The following TTC7B variants were observed in gnomAD, a reference collection of about 807,000 sequenced individuals.
The protein encoded by TTC7B is tetratricopeptide repeat protein 7B.
In TTC7B, 28 loss-of-function variants were observed where a neutral mutation model predicts 106.8. That is an observed-to-expected ratio of 0.26 (90% CI 0.19 to 0.36). The LOEUF (loss-of-function observed/expected upper bound fraction) is 0.36, where lower values mean the gene tolerates loss of function less well. Ranked by LOEUF, TTC7B falls within the 10% of genes least tolerant of loss-of-function variation. The pLI is 1.00. For missense variants in TTC7B, 862 were observed against 1,076.4 expected, an observed-to-expected ratio of 0.80 and a Z score of 2.79; for synonymous variants, 405 against 430.6, an observed-to-expected ratio of 0.94 and a Z score of 0.74.
At chr14:90,812,441 GC>G (rs1332843928) in intron 1 of TTC7B, among the ~76,000 whole-genome samples, 3 of 152,128 alleles carry the variant, frequency 2.0e-5, no homozygotes, top group Non-Finnish European at 4.4e-5. Flanking sequence ...CCAAGCCAGG[GC>G]ACCTCAGGCT....
intron 3 of TTC7B, among the ~76,000 whole-genome samples, chr14:90,763,112 T>C (rs956113803): frequency 3.9e-5 from 6 of 152,180 alleles, no homozygotes; most frequent in African/African-American, 1.4e-4. Flanking sequence ...ATATCTATTA[T>C]GAATATAGGT....
In TTC7B at chr14:90,575,761, C is replaced by T. The variant is rs528491926; in HGVS notation, c.2310+2345G>A. Among the ~76,000 whole-genome samples the T allele has an allele frequency of 2.6e-5, 4 of 152,326 alleles. No individual in the cohort carries two copies. Among genetic ancestry groups the T allele is most frequent in the South Asian group, 4.1e-4 (2 of 4,828 alleles). Reference sequence around the variant, plus strand: ...AGTCACTGGGCAAAGTTTCTGACTGCGAGACTCTAAACTCCTCAAATCTGT... The same window carrying T: ...AGTCACTGGGCAAAGTTTCTGACTGTGAGACTCTAAACTCCTCAAATCTGT... On this transcript the variant is annotated intron_variant, in intron 19 of 19. Coordinates refer to ENST00000328459, the MANE Select transcript of TTC7B (RefSeq NM_001010854.2). The surrounding 1 kb of genome is among the most constrained non-coding windows in gnomAD (Gnocchi z 5.2).
intron 5 of TTC7B, among the ~76,000 whole-genome samples, chr14:90,714,238 G>T (rs1742087): frequency 6.7e-6 from 1 of 148,758 alleles, no homozygotes; most frequent in East Asian, 2.0e-4. Context: ...CTCAAAAAAA[G>T]AAAAAAAAAG....
In TTC7B at chr14:90,805,821, C is replaced by G. The variant is rs1052867215; in HGVS notation, c.121+10354G>C. Among the ~76,000 whole-genome samples the G allele has an allele frequency of 1.1e-4, 17 of 152,016 alleles. No homozygotes were observed. The highest frequency in any genetic ancestry group is 3.9e-4 in the African/African-American group (16 of 41,336). On this transcript the variant is annotated intron_variant, in intron 1 of 19. Transcript: ENST00000328459. The surrounding 1 kb of genome is among the most constrained non-coding windows in gnomAD (Gnocchi z 4.0). ...CCTGCCTCAGCTCATCAGAGTCACT[C>G]CTGTGAGCCCTGCGGCGGGCACAGC...
chr14:90,578,151 C>T lies in TTC7B; in HGVS notation c.2265G>A (p.Glu755=), dbSNP rs1261022361. The T allele has an allele frequency of 1.2e-6, 2 of 1,613,300 alleles. No homozygotes were observed. The highest frequency in any genetic ancestry group is 8.5e-7 in the Non-Finnish European group (1 of 1,179,736). Residue 755 remains glutamate (E), a synonymous_variant, in exon 19 of 20, where the codon GAG becomes GAA. Coordinates refer to ENST00000328459, the MANE Select transcript of TTC7B (RefSeq NM_001010854.2). This position sits in a 1 kb window ranked among gnomAD's most constrained non-coding sequence, Gnocchi z 4.7. ...CGTGGGTGGGGCTGATGGCTAAGGC[C>T]TCTTCATACCACCGCCGCGCCTCGT... ...SMDEARRWYE[E]ALAISPTHVK... is the part of the protein sequence containing the mutation.
At chr14:90,774,100 C>T (rs1890949638) in intron 3 of TTC7B, among the ~76,000 whole-genome samples, 1 of 152,224 alleles carries the variant, frequency 6.6e-6, no homozygotes, top group Non-Finnish European at 1.5e-5. Context: ...ACCAGCCCCT[C>T]TTCACCATGG....
intron 1 of TTC7B, 115 bp from the exon 2 acceptor site, chr14:90,786,443 T>C (rs1434002252): frequency 4.8e-6 from 6 of 1,252,600 alleles, no homozygotes; most frequent in African/African-American, 3.0e-5. Context: ...CCCAGCAAGG[T>C]CCTTCTGGAA....
intron 7 of TTC7B, among the ~76,000 whole-genome samples, chr14:90,688,770 G>T (rs1272146724): frequency 6.6e-6 from 1 of 151,810 alleles, no homozygotes; most frequent in Admixed American, 6.6e-5. Flanking sequence ...CTGCACTCCA[G>T]CATGGACAAA....
At chr14:90,621,197 G>T (rs1432044908) in intron 15 of TTC7B, among the ~76,000 whole-genome samples, 1 of 151,932 alleles carries the variant, frequency 6.6e-6, no homozygotes, top group African/African-American at 2.4e-5. Flanking sequence ...CAGAGGCCAC[G>T]TGGGTATGGC....
chr14:90,615,187 C>A (rs1207351795), intron 16 of TTC7B, among the ~76,000 whole-genome samples: 1 of 152,110 alleles, frequency 6.6e-6, no homozygotes, highest in Non-Finnish European at 1.5e-5. Context: ...AATTTTTTTC[C>A]CCCTTTAAGC....
At chr14:90,725,738 G>A (rs532447542) in intron 5 of TTC7B, among the ~76,000 whole-genome samples, 29 of 152,104 alleles carry the variant, frequency 1.9e-4, no homozygotes, top group South Asian at 1.2e-3. Flanking sequence ...TGCATCTCCC[G>A]GCTGACAGTC....
Position 90,780,837 on chromosome 14 carries a change from C to CGTG in TTC7B, c.345_346insCAC (p.Glu115_Ala116insHis). 6.2e-7 allele frequency: 1 copy of CGTG among 1,614,254 alleles called. No homozygotes were observed. The highest frequency in any genetic ancestry group is 8.5e-7 in the Non-Finnish European group (1 of 1,180,038). On this transcript the variant is annotated inframe_insertion, in exon 3 of 20. Transcript: ENST00000328459. ...CCCACCCGGGCGTAAATGTTCAGAG[C>CGTG]TTCTTTATAATCACCTTCCACATAA...
intron 2 of TTC7B, 50 bp downstream of exon 2, chr14:90,786,123 AC>A (rs748934100): frequency 6.7e-7 from 1 of 1,498,958 alleles, no homozygotes; most frequent in African/African-American, 1.4e-5. Context: ...ACCCTTCTCA[AC>A]CCCACACTGT....
At position 90,663,244 on chromosome 14, in the gene TTC7B, T is replaced by C. The variant is rs1177645463; in HGVS notation, c.1153-4857A>G. Among the ~76,000 whole-genome samples the C allele has an allele frequency of 6.6e-6, 1 of 152,178 alleles. No individual in the cohort carries two copies. Among genetic ancestry groups the C allele is most frequent in the Admixed American group, 6.5e-5 (1 of 15,268 alleles). The stretch of plus-strand genomic sequence containing the variant: ...GGTACGCGGGCCTCAGAGTTGGTGG[T>C]GGAGCCAGCTGGGAGTGAAGCGGTC... On this transcript the variant is annotated intron_variant, in intron 9 of 19. Transcript: ENST00000328459. The surrounding 1 kb of genome is among the most constrained non-coding windows in gnomAD (Gnocchi z 4.5).
intron 19 of TTC7B, among the ~76,000 whole-genome samples, chr14:90,549,159 C>T (rs959373225): frequency 6.6e-6 from 1 of 151,748 alleles, no homozygotes; most frequent in Non-Finnish European, 1.5e-5. Context: ...TTCTTAGCAT[C>T]TGCAAGTCAG....
chr14:90,655,233 C>T (rs887761498), intron 11 of TTC7B, 123 bp from the exon 12 acceptor site: 6 of 710,244 alleles, frequency 8.4e-6, no homozygotes, highest in African/African-American at 7.0e-5. Context: ...TCTCAAATCT[C>T]CCAATCCCAC....
chr14:90,708,528 ATC>A (rs1354327163), intron 5 of TTC7B, among the ~76,000 whole-genome samples: 1 of 152,226 alleles, frequency 6.6e-6, no homozygotes, highest in Non-Finnish European at 1.5e-5. Flanking sequence ...ATGAAAGCAC[ATC>A]TGTTTACAGC....
At chr14:90,655,177 G>A (rs368302665) in intron 11 of TTC7B, 67 bp from the exon 12 acceptor site, 76 of 1,201,562 alleles carry the variant, frequency 6.3e-5, no homozygotes, top group Non-Finnish European at 8.4e-5. Context: ...TCCCATAAGC[G>A]TCTGCTGCCA....
Position 90,538,233 on chromosome 14 carries a change from T to C in TTC7B, c.*3135A>G, listed in dbSNP as rs1566757410. 2 of 149,372 alleles carry C rather than the reference T, an allele frequency of 1.3e-5. No individual in the cohort carries two copies. Among genetic ancestry groups the C allele is most frequent in the African/African-American group, 5.0e-5 (2 of 40,324 alleles). The allele number at this position is 149,372 out of a possible 1,614,324, so 9.3% of individuals were successfully genotyped here. On this transcript the variant is annotated 3_prime_UTR_variant, in exon 20 of 20. Coordinates refer to ENST00000328459, the MANE Select transcript of TTC7B (RefSeq NM_001010854.2). ...TAGCGTCTGCGTCCTCATCTATTAA[T>C]GGATGGACGGATGGATGGATGGATG...
Sources: allele counts gnomAD v4.1 joint callset (sites outside exome capture counted in the v4.1 genomes callset), GRCh38; gene constraint gnomAD v4.1.1; non-coding constraint Gnocchi (gnomAD v3.1); transcripts MANE v1.5; gene names NCBI Gene and HGNC (gene_info 2026-07-23, HGNC 2026-07-21).